The following GRM5 variants were observed in gnomAD, a reference collection of about 807,000 sequenced individuals.
GRM5 encodes metabotropic glutamate receptor 5.
GRM5 carries 19 observed loss-of-function variants against 83.1 expected under a neutral mutation model. That is an observed-to-expected ratio of 0.23 (90% CI 0.16 to 0.34). The LOEUF (loss-of-function observed/expected upper bound fraction) is 0.34. Ranked by LOEUF, GRM5 falls within the 10% of genes least tolerant of loss-of-function variation. The probability of loss-of-function intolerance (pLI) is 1.00; values close to 1 mark genes in which losing one functional copy is unlikely to be tolerated. For missense variants in GRM5, 1,160 were observed against 1,588.3 expected (o/e 0.73, Z 4.58); for synonymous variants, 675 against 633.6 (o/e 1.07, Z -0.98).
chr11:88,826,912 G>A (rs1943903724), intron 3 of GRM5, among the ~76,000 whole-genome samples: 1 of 152,112 alleles, frequency 6.6e-6, no homozygotes, highest in Non-Finnish European at 1.5e-5. Flanking sequence ...ATGGAAAAGT[G>A]GAAGTGTCAG....
intron 4 of GRM5, among the ~76,000 whole-genome samples, chr11:88,628,989 C>T (rs1433815729): frequency 6.6e-6 from 1 of 152,142 alleles, no homozygotes; most frequent in East Asian, 1.9e-4. Context: ...CACTTTAGCT[C>T]ATATTCTATC....
At chr11:88,745,567 T>C (rs768558894) in intron 3 of GRM5, among the ~76,000 whole-genome samples, 5 of 152,144 alleles carry the variant, frequency 3.3e-5, no homozygotes, top group African/African-American at 1.2e-4. Context: ...GACCTTGGCC[T>C]TGTAGATCTT....
chr11:88,964,226 T>A (rs780800495), intron 2 of GRM5, among the ~76,000 whole-genome samples: 1 of 152,162 alleles, frequency 6.6e-6, no homozygotes, highest in Non-Finnish European at 1.5e-5. Context: ...TAAAAATTGT[T>A]AGTGAGACAT....
At chr11:88,718,854 T>A (rs1328591966) in intron 3 of GRM5, among the ~76,000 whole-genome samples, 1 of 151,960 alleles carries the variant, frequency 6.6e-6, no homozygotes, top group Non-Finnish European at 1.5e-5. Flanking sequence ...GCACGTGGAA[T>A]CCTTTCTCAA....
chr11:89,039,287 A>G (rs960702965), intron 2 of GRM5, among the ~76,000 whole-genome samples: 12 of 151,002 alleles, frequency 7.9e-5, no homozygotes, highest in African/African-American at 2.2e-4. Flanking sequence ...AAATATATAT[A>G]TATATATAAA....
intron 3 of GRM5, among the ~76,000 whole-genome samples, chr11:88,723,637 A>G (rs1941602972): frequency 6.6e-6 from 1 of 152,014 alleles, no homozygotes; most frequent in African/African-American, 2.4e-5. Flanking sequence ...CACTCAAGCA[A>G]CTAGATAACA....
chr11:89,051,255 C>A (rs10741301), intron 1 of GRM5, among the ~76,000 whole-genome samples: 151,799 of 151,800 alleles, frequency 1, 75,899 homozygotes, highest in Middle Eastern at 1. Context: ...CTCCGTCTCA[C>A]AAAAAAGAAA....
intron 3 of GRM5, among the ~76,000 whole-genome samples, chr11:88,784,888 C>A (rs527411408): frequency 6.6e-6 from 1 of 152,062 alleles, no homozygotes; most frequent in African/African-American, 2.4e-5. Context: ...CACATAATCT[C>A]TTCTTGTAAA....
chr11:88,990,031 T>C (rs929055010), intron 2 of GRM5, among the ~76,000 whole-genome samples: 2 of 151,102 alleles, frequency 1.3e-5, no homozygotes, highest in African/African-American at 4.9e-5. Flanking sequence ...CTGAAGGAAG[T>C]AGAGACACAA....
chr11:89,008,512 T>C (rs1298590683), intron 2 of GRM5, among the ~76,000 whole-genome samples: 1 of 152,114 alleles, frequency 6.6e-6, no homozygotes, highest in East Asian at 1.9e-4. Context: ...GTTATCTAAA[T>C]TTGATTTTGA....
chr11:88,758,325 T>G (rs1393722883), intron 3 of GRM5, among the ~76,000 whole-genome samples: 2 of 152,126 alleles, frequency 1.3e-5, no homozygotes, highest in African/African-American at 4.8e-5. Flanking sequence ...CCAAGGAAGC[T>G]AAGAATCACA....
At chr11:88,854,258 T>C (rs1944434994) in intron 2 of GRM5, among the ~76,000 whole-genome samples, 1 of 151,810 alleles carries the variant, frequency 6.6e-6, no homozygotes, top group Non-Finnish European at 1.5e-5. Context: ...ATAATCAATG[T>C]CTATTTCCAG....
chr11:88,902,846 G>A (rs1945335027), intron 2 of GRM5, among the ~76,000 whole-genome samples: 1 of 150,438 alleles, frequency 6.6e-6, no homozygotes. Flanking sequence ...AGCTACTAGG[G>A]AGGTTGAGGC....
At chr11:88,811,244 A>AT (rs1038258778) in intron 3 of GRM5, among the ~76,000 whole-genome samples, 6 of 151,960 alleles carry the variant, frequency 3.9e-5, no homozygotes, top group Non-Finnish European at 7.4e-5. Flanking sequence ...ATAACAGAAG[A>AT]TTTTTTTTGG....
chr11:88,898,932 G>A (rs1432382327), intron 2 of GRM5, among the ~76,000 whole-genome samples: 3 of 151,900 alleles, frequency 2.0e-5, no homozygotes, highest in Non-Finnish European at 4.4e-5. Context: ...CATGACTACA[G>A]CTTACCAAAA....
At chr11:88,749,229 G>A (rs1942211263) in intron 3 of GRM5, among the ~76,000 whole-genome samples, 1 of 152,094 alleles carries the variant, frequency 6.6e-6, no homozygotes, top group Non-Finnish European at 1.5e-5. Context: ...AGCCAGAATG[G>A]CCAGTTTAGA....
At chr11:89,045,230 T>C (rs564104620) in intron 2 of GRM5, among the ~76,000 whole-genome samples, 2 of 152,288 alleles carry the variant, frequency 1.3e-5, no homozygotes, top group Non-Finnish European at 2.9e-5. Flanking sequence ...TAGAATGTTT[T>C]CATGTAATTG....
At chr11:88,919,466 C>T (rs1036909355) in intron 2 of GRM5, among the ~76,000 whole-genome samples, 45 of 151,144 alleles carry the variant, frequency 3.0e-4, no homozygotes, top group African/African-American at 9.4e-4. Flanking sequence ...GCTTCACCAT[C>T]CCACTTGCAG....
chr11:88,983,054 G>A (rs1323858812), intron 2 of GRM5, among the ~76,000 whole-genome samples: 2 of 145,752 alleles, frequency 1.4e-5, no homozygotes, highest in Admixed American at 6.7e-5. Context: ...CAACGAGAGC[G>A]AAACTCCGTC....
Sources: allele counts gnomAD v4.1 joint callset (sites outside exome capture counted in the v4.1 genomes callset), GRCh38; gene constraint gnomAD v4.1.1; transcripts MANE v1.5; gene names NCBI Gene and HGNC (gene_info 2026-07-23, HGNC 2026-07-21).